The following VPS13B variants were observed in gnomAD, a reference collection of about 807,000 sequenced individuals.
The protein encoded by VPS13B is vacuolar protein sorting 13 homolog B.
A neutral mutation model predicts 426.4 loss-of-function variants in VPS13B; 285 were observed. The observed-to-expected ratio is 0.67, with a 90% CI of 0.61 to 0.74. VPS13B has a LOEUF of 0.74. Among genes scored for constraint, VPS13B ranks in the 30% least tolerant of loss-of-function variants. The pLI, the probability that VPS13B is intolerant of heterozygous loss-of-function variation, is 0.00. For missense variants in VPS13B, 4,537 were observed against 4,782.6 expected, an observed-to-expected ratio of 0.95 and a Z score of 1.51; for synonymous variants, 1,676 against 1,676.4, an observed-to-expected ratio of 1.00 and a Z score of 0.01.
rs1019291249 is a variant in VPS13B at position 99,726,696 on chromosome 8, G to A, written c.7050+5649G>A. Among the ~76,000 whole-genome samples the A allele has an allele frequency of 6.6e-5, 10 of 152,154 alleles. 1 individual carries two copies. In the South Asian group the frequency reaches 1.2e-3, roughly 19 times the overall value. Reference sequence around the variant, plus strand: ...AAGATTGAAAATGCCTTTTTTAATCGAGAAAGTGTTAGCCACACCTGGCTA... The same window carrying A: ...AAGATTGAAAATGCCTTTTTTAATCAAGAAAGTGTTAGCCACACCTGGCTA... On this transcript the variant is annotated intron_variant, in intron 39 of 61. Coordinates refer to ENST00000357162, the MANE Select transcript of VPS13B (RefSeq NM_152564.5).
intron 12 of VPS13B, among the ~76,000 whole-genome samples, chr8:99,142,383 C>T (rs938108819): frequency 1.6e-4 from 24 of 152,066 alleles, no homozygotes; most frequent in Non-Finnish European, 3.2e-4. Flanking sequence ...CATGCCTATA[C>T]CTGGGGCCAA....
chr8:99,199,343 T>C (rs1814156206), intron 17 of VPS13B, among the ~76,000 whole-genome samples: 1 of 151,564 alleles, frequency 6.6e-6, no homozygotes, highest in Non-Finnish European at 1.5e-5. Flanking sequence ...GGCTAAGATT[T>C]TGTATTTTTA....
chr8:99,719,498 C>G (rs544319145), intron 37 of VPS13B, among the ~76,000 whole-genome samples: 2 of 152,266 alleles, frequency 1.3e-5, no homozygotes, highest in African/African-American at 2.4e-5. Flanking sequence ...TTAAAACTTA[C>G]CCACACGATA....
In VPS13B at chr8:99,876,071, T is replaced by TCTC. The variant is rs1491100400; in HGVS notation, c.*406_*408dup. On this transcript the variant is annotated 3_prime_UTR_variant, in exon 62 of 62. Transcript: ENST00000357162. ...TTTTGCTCTATGACACTTGCAAAAA[T>TCTC]CTCTACTGTAATTAATTTGGGTCTA... The TCTC allele has an allele frequency of 4.5e-6, 1 of 219,920 alleles. No individual in the cohort carries two copies. The highest frequency in any genetic ancestry group is 2.5e-5 in the African/African-American group (1 of 39,412). 13.6% of individuals were successfully genotyped at this position (219,920 alleles called of 1,614,324 possible).
rs73702009 is a variant in VPS13B at position 99,361,920 on chromosome 8, G to A, written c.2825-22288G>A. On this transcript the variant is annotated intron_variant, in intron 19 of 61. Coordinates refer to ENST00000357162, the MANE Select transcript of VPS13B (RefSeq NM_152564.5). ...TCTTCATAACAACCCTACAAGTTACGTGGTGTTAGTCTCATTTTACATTTA... is the reference window on the plus strand; with the variant it reads ...TCTTCATAACAACCCTACAAGTTACATGGTGTTAGTCTCATTTTACATTTA... Among the ~76,000 whole-genome samples the A allele has an allele frequency of 1.6e-3, 249 of 152,178 alleles. 1 individual carries two copies. The highest frequency in any genetic ancestry group is 5.7e-3 in the African/African-American group (237 of 41,528).
chr8:99,423,338 C>G (rs1271560754), intron 21 of VPS13B, among the ~76,000 whole-genome samples: 2 of 151,820 alleles, frequency 1.3e-5, no homozygotes, highest in East Asian at 3.9e-4. Flanking sequence ...CTCACTGCAG[C>G]CTTGACCTCC....
chr8:99,619,389 G>A (rs969853081), intron 33 of VPS13B, among the ~76,000 whole-genome samples: 10 of 152,090 alleles, frequency 6.6e-5, no homozygotes, highest in African/African-American at 2.4e-4. Flanking sequence ...ATGGTGAGTA[G>A]GTAATGATTA....
chr8:99,776,740 GT>G, intron 40 of VPS13B, 34 bp from the exon 41 acceptor site: 1 of 1,612,070 alleles, frequency 6.2e-7, no homozygotes, highest in Non-Finnish European at 8.5e-7. Flanking sequence ...GGAAATTTTG[GT>G]TATTGAACTT....
At position 99,862,094 on chromosome 8, in the gene VPS13B, G is replaced by A. The variant is rs192086529; in HGVS notation, c.11215+148G>A. 85 of 933,402 alleles carry A rather than the reference G, an allele frequency of 9.1e-5. 1 individual carries two copies. The Admixed American group carries it at 1.1e-3, about 13-fold the overall frequency. The allele number at this position is 933,402 out of a possible 1,614,324, so 57.8% of individuals were successfully genotyped here. ...GCACTTGCTCTGAGTTCTACAGTGC[G>A]TCCCGCCGGGGGCTCACCTGCACAG... On this transcript the variant is annotated intron_variant, in intron 58 of 61. Coordinates refer to ENST00000357162, the MANE Select transcript of VPS13B (RefSeq NM_152564.5).
At chr8:99,316,576 G>A (rs1809671968) in intron 19 of VPS13B, among the ~76,000 whole-genome samples, 2 of 152,118 alleles carry the variant, frequency 1.3e-5, no homozygotes, top group African/African-American at 4.8e-5. Flanking sequence ...GGGGAAATGT[G>A]GACTGCTGGA....
intron 33 of VPS13B, among the ~76,000 whole-genome samples, chr8:99,611,226 C>T (rs1039981754): frequency 2.0e-5 from 3 of 152,072 alleles, no homozygotes; most frequent in Non-Finnish European, 4.4e-5. Flanking sequence ...TAAAAGTCTG[C>T]AAGTAAACTT....
intron 17 of VPS13B, among the ~76,000 whole-genome samples, chr8:99,261,410 T>G (rs1818031825): frequency 6.6e-6 from 1 of 152,154 alleles, no homozygotes; most frequent in Admixed American, 6.5e-5. Flanking sequence ...GATAGCTCAT[T>G]TCTTTTTAGC....
chr8:99,535,380 G>A (rs550493144), intron 30 of VPS13B, among the ~76,000 whole-genome samples: 30 of 152,126 alleles, frequency 2.0e-4, no homozygotes, highest in Non-Finnish European at 3.5e-4. Flanking sequence ...CCTGTTTTGT[G>A]TACTAGAAAT....
At position 99,172,130 on chromosome 8, in the gene VPS13B, T is replaced by A. The variant is rs11987072; in HGVS notation, c.2333+1967T>A. Among the ~76,000 whole-genome samples the A allele has an allele frequency of 3.8e-3, 583 of 152,280 alleles. 4 individuals are homozygous for A. The highest frequency in any genetic ancestry group is 0.013 in the African/African-American group (520 of 41,572). Reference sequence around the variant, plus strand: ...ACTTAAAGATAGTTAAACCAGTTAATCAAATATTCATTAGTCCCATTTCTT... The same window carrying A: ...ACTTAAAGATAGTTAAACCAGTTAAACAAATATTCATTAGTCCCATTTCTT... On this transcript the variant is annotated intron_variant, in intron 16 of 61. Transcript: ENST00000357162.
intron 51 of VPS13B, among the ~76,000 whole-genome samples, chr8:99,828,392 CCGTTTTTTTTTTTTTTT>C (rs1319676258): frequency 0.02 from 932 of 47,486 alleles, 125 homozygotes; most frequent in Non-Finnish European, 0.026. Flanking sequence ...ATTACAACCA[CCGTTTTTTTTTTTTTTT>C]TTTTTTTTTT....
intron 15 of VPS13B, among the ~76,000 whole-genome samples, chr8:99,167,213 G>A (rs1384000816): frequency 6.6e-6 from 1 of 152,036 alleles, no homozygotes; most frequent in Admixed American, 6.5e-5. Context: ...TTCCCCTGAA[G>A]AGTTTTTCTT....
chr8:99,786,894 T>G (rs752976424), intron 43 of VPS13B, among the ~76,000 whole-genome samples: 1 of 152,158 alleles, frequency 6.6e-6, no homozygotes, highest in Non-Finnish European at 1.5e-5. Flanking sequence ...CATTCACAGT[T>G]GAAAATTCTG....
chr8:99,735,906 T>C (rs144794719), intron 39 of VPS13B, among the ~76,000 whole-genome samples: 360 of 152,248 alleles, frequency 2.4e-3, no homozygotes, highest in Non-Finnish European at 3.5e-3. Flanking sequence ...AAGAGATCAA[T>C]TTTAGTTGCC....
intron 19 of VPS13B, among the ~76,000 whole-genome samples, chr8:99,360,789 G>A (rs376346956): frequency 1.3e-5 from 2 of 152,130 alleles, no homozygotes; most frequent in African/African-American, 4.8e-5. Context: ...AACAATGGAA[G>A]ATAATTATGA....
Sources: gnomAD v4.1 joint callset for allele counts (sites outside exome capture counted in the v4.1 genomes callset) on GRCh38, gnomAD v4.1.1 for gene constraint, MANE v1.5 for transcripts, NCBI Gene and HGNC (gene_info 2026-07-23, HGNC 2026-07-21) for gene names.